Variants in CATSPERE observed in about 807,000 individuals in gnomAD.
CATSPERE encodes the protein catsper channel auxiliary subunit epsilon.
Under a neutral mutation model 114.1 loss-of-function variants are expected in CATSPERE, and 93 were observed. The observed-to-expected ratio is 0.81, with a 90% CI of 0.69 to 0.97. The LOEUF (loss-of-function observed/expected upper bound fraction) is 0.97, where lower values mean the gene tolerates loss of function less well. Ranked by LOEUF, CATSPERE falls within the 50% of genes least tolerant of loss-of-function variation. CATSPERE has a pLI of 0.00. For synonymous variants in CATSPERE, 341 were observed against 384.1 expected (o/e 0.89, Z 1.31); for missense variants, 1,058 against 1,131.6 (o/e 0.93, Z 0.93).
rs1045523957 is a variant in CATSPERE, at chr1:244,572,717, A to G, written c.1895A>G (p.Gln632Arg). 1 of 1,612,674 alleles carries G rather than the reference A, an allele frequency of 6.2e-7. No individual in the cohort carries two copies. The highest frequency in any genetic ancestry group is 8.5e-7 in the Non-Finnish European group (1 of 1,179,562). The change falls in exon 11 of 22, where the codon CAA becomes CGA. Residue 632 changes from glutamine (Q) to arginine (R), a missense_variant. By Grantham distance (43) the Gln-to-Arg change is conservative. Coordinates refer to ENST00000366534, the MANE Select transcript of CATSPERE (RefSeq NM_001130957.2). ...GAATCTTATGGCCCAAAAATATTACAAGAGAGTCATGAGATTTCCTTTGAA... is the reference window on the plus strand; with the variant it reads ...GAATCTTATGGCCCAAAAATATTACGAGAGAGTCATGAGATTTCCTTTGAA... The part of the protein sequence containing the change: ...IVESYGPKIL[Q>R]ESHEISFEAA...
rs769439285 is a variant in CATSPERE at position 244,552,754 on chromosome 1, T to C, written c.969T>C (p.Pro323=). 1 of 1,612,248 alleles carries C rather than the reference T, an allele frequency of 6.2e-7. No homozygotes were observed. Residue 323 remains proline (P), a synonymous_variant, in exon 9 of 22, where the codon CCT becomes CCC. Coordinates refer to ENST00000366534, the MANE Select transcript of CATSPERE (RefSeq NM_001130957.2). ...FIRLGGIVNL[P]DGGITGISSR... is the part of the protein sequence containing the mutation. ...GACTGGGAGGAATTGTAAATCTTCC[T>C]GATGGTGGAATTACTGGCATTTCAT...
chr1:244,534,301 C>T (rs3003250), intron 8 of CATSPERE, among the ~76,000 whole-genome samples: 151,168 of 152,270 alleles, frequency 0.99, 75,047 homozygotes, highest in Middle Eastern at 1. Flanking sequence ...TATTGATGTC[C>T]TTCTTGAGGT....
upstream of CATSPERE, chr1:244,451,903 T>A: frequency 7.4e-7 from 1 of 1,349,868 alleles, no homozygotes; most frequent in Non-Finnish European, 9.7e-7. The surrounding 1 kb of genome is among the most constrained non-coding windows in gnomAD (Gnocchi z 6.6). Flanking sequence ...GCCAGCCACA[T>A]GCAGAGGAAG....
chr1:244,510,930 G>A (rs777241706), intron 7 of CATSPERE, among the ~76,000 whole-genome samples: 28 of 127,032 alleles, frequency 2.2e-4, no homozygotes, highest in African/African-American at 8.8e-5. Flanking sequence ...TGCAACCTCC[G>A]CCTCCCAGGT....
chr1:244,538,214 G>C (rs1447337991), intron 8 of CATSPERE, among the ~76,000 whole-genome samples: 1 of 152,122 alleles, frequency 6.6e-6, no homozygotes, highest in Non-Finnish European at 1.5e-5. Flanking sequence ...TTGAAACTTA[G>C]TTAAATGAAG....
intron 5 of CATSPERE, among the ~76,000 whole-genome samples, chr1:244,487,983 C>T (rs1671363729): frequency 6.6e-6 from 1 of 152,138 alleles, no homozygotes; most frequent in South Asian, 2.1e-4. Context: ...TGACTCTGCC[C>T]CCAAACCAGA....
intron 3 of CATSPERE, 37 bp downstream of exon 3, chr1:244,477,651 AT>A: frequency 7.8e-7 from 1 of 1,282,896 alleles, no homozygotes; most frequent in Non-Finnish European, 1.1e-6. Context: ...GTATGTGTAT[AT>A]TTTTTAATTC....
rs1276390636 is a variant in CATSPERE at position 244,568,414 on chromosome 1, C to T, written c.1508-3916C>T. 1.3e-5 allele frequency among the ~76,000 whole-genome samples: 2 copies of T among 152,214 alleles called. No homozygotes were observed. Among genetic ancestry groups the T allele is most frequent in the Admixed American group, 6.5e-5 (1 of 15,284 alleles). ...CTTCTTCAGAGCTGGCTCACAGGAA[C>T]GTTTAAGTCTGCTGAAGCTGCGCCC... is the stretch of plus-strand genomic sequence containing the variant. On this transcript the variant is annotated intron_variant, in intron 10 of 21. Coordinates refer to ENST00000366534, the MANE Select transcript of CATSPERE (RefSeq NM_001130957.2). This position sits in a 1 kb window ranked among gnomAD's most constrained non-coding sequence, Gnocchi z 4.4.
intron 7 of CATSPERE, among the ~76,000 whole-genome samples, chr1:244,502,703 C>T (rs1674250931): frequency 6.6e-6 from 1 of 152,038 alleles, no homozygotes; most frequent in African/African-American, 2.4e-5. Context: ...GAGGTGATGC[C>T]AGGAAATAAG....
chr1:244,611,910 A>C (rs565270855), intron 19 of CATSPERE, among the ~76,000 whole-genome samples: 5 of 152,302 alleles, frequency 3.3e-5, no homozygotes, highest in Admixed American at 2.6e-4. Context: ...ATACATCAGA[A>C]TCTCCAAAAG....
intron 17 of CATSPERE, among the ~76,000 whole-genome samples, chr1:244,602,696 G>A (rs140712794): frequency 6.6e-6 from 1 of 152,322 alleles, no homozygotes; most frequent in East Asian, 1.9e-4. Context: ...AGAATTCAGT[G>A]CCACAGAAGC....
intron 14 of CATSPERE, among the ~76,000 whole-genome samples, chr1:244,590,109 A>G (rs1033030916): frequency 6.6e-6 from 1 of 152,148 alleles, no homozygotes; most frequent in Non-Finnish European, 1.5e-5. Context: ...ATATCTATCT[A>G]AAAATGGTGG....
At chr1:244,452,395 T>C (rs1665682642), upstream of CATSPERE, among the ~76,000 whole-genome samples, 1 of 152,256 alleles carries the variant, frequency 6.6e-6, no homozygotes, top group Admixed American at 6.5e-5. Flanking sequence ...CTGTGGAATT[T>C]CGCAGTACAA....
chr1:244,514,864 A>C (rs533779997), intron 7 of CATSPERE, among the ~76,000 whole-genome samples: 18 of 151,868 alleles, frequency 1.2e-4, no homozygotes, highest in African/African-American at 4.1e-4. Flanking sequence ...TGCCTGGAAA[A>C]ATTGGTGAAA....
chr1:244,509,440 G>A (rs566075782), intron 7 of CATSPERE, among the ~76,000 whole-genome samples: 5 of 152,156 alleles, frequency 3.3e-5, no homozygotes, highest in African/African-American at 1.2e-4. Flanking sequence ...CCTGATCATG[G>A]TGTATTATCT....
chr1:244,497,307 A>G (rs1256876800), intron 6 of CATSPERE, among the ~76,000 whole-genome samples: 4 of 152,224 alleles, frequency 2.6e-5, no homozygotes, highest in Non-Finnish European at 4.4e-5. Flanking sequence ...AGAAAATGGA[A>G]TACAGGTAGA....
chr1:244,463,401 G>A (rs112530412), intron 1 of CATSPERE, among the ~76,000 whole-genome samples: 8,120 of 152,008 alleles, frequency 0.053, 474 homozygotes, highest in African/African-American at 0.14. Flanking sequence ...TTAGCTGGGC[G>A]TGGTGGCATG....
intron 7 of CATSPERE, among the ~76,000 whole-genome samples, chr1:244,517,844 A>G (rs923546806): frequency 1.3e-4 from 19 of 151,174 alleles, no homozygotes; most frequent in Admixed American, 1.2e-3. Flanking sequence ...CCTACTTCCC[A>G]CAATGGGTTC....
At chr1:244,605,671 C>G in intron 17 of CATSPERE, 24 bp from the exon 18 acceptor site, 1 of 1,503,250 alleles carries the variant, frequency 6.7e-7, no homozygotes, top group African/African-American at 1.4e-5. Flanking sequence ...AAACTAGTAT[C>G]TTTCTGTTTG....
Sources: gnomAD v4.1 joint callset for allele counts (sites outside exome capture counted in the v4.1 genomes callset) on GRCh38, gnomAD v4.1.1 for gene constraint, Gnocchi (gnomAD v3.1) non-coding constraint, MANE v1.5 for transcripts, NCBI Gene and HGNC (gene_info 2026-07-23, HGNC 2026-07-21) for gene names.